CAPN13: variants seen among roughly 807,000 people sequenced by gnomAD.
CAPN13 encodes the protein calpain 13.
In CAPN13, 90 loss-of-function variants were observed where a neutral mutation model predicts 98.4. The ratio of observed to expected loss-of-function variants is 0.92; its 90% CI spans 0.77 to 1.09. The LOEUF is 1.09. Among genes scored for constraint, CAPN13 ranks in the 50% least tolerant of loss-of-function variants. The pLI is 0.00. For synonymous variants in CAPN13, 330 were observed against 305.5 expected (o/e 1.08, Z -0.84); for missense variants, 887 against 841.3 (o/e 1.05, Z -0.67).
intron 18 of CAPN13, 115 bp downstream of exon 18, chr2:30,736,388 G>A (rs1671365556): frequency 1.0e-6 from 1 of 1,000,130 alleles, no homozygotes; most frequent in South Asian, 1.4e-5. Context: ...TTGAGGGCAG[G>A]GGTGAGAGTT....
At chr2:30,746,612 G>T in intron 11 of CAPN13, 2 of 198,364 alleles carry the variant, frequency 1.0e-5, no homozygotes, top group South Asian at 9.6e-5. Context: ...TAGATTTGGT[G>T]ATCTGCTGGG....
intron 18 of CAPN13, 78 bp from the exon 19 acceptor site, chr2:30,734,602 G>A (rs529827519): frequency 5.8e-6 from 7 of 1,199,290 alleles, no homozygotes; most frequent in South Asian, 1.3e-5. Context: ...CTGGGAGCTT[G>A]CTTCCCTAAA....
chr2:30,798,574 A>G (rs957160092), intron 1 of CAPN13, among the ~76,000 whole-genome samples: 7 of 152,188 alleles, frequency 4.6e-5, no homozygotes, highest in Non-Finnish European at 2.9e-5. Flanking sequence ...TTTTGTTTGC[A>G]TTTTGTTTTC....
At position 30,789,340 on chromosome 2, in the gene CAPN13, A is replaced by C. The variant is rs6731697; in HGVS notation, c.-32-1983T>G. Among the ~76,000 whole-genome samples the C allele has an allele frequency of 3.9e-3, 600 of 152,318 alleles. 3 individuals are homozygous for C. The highest frequency in any genetic ancestry group is 0.013 in the African/African-American group (533 of 41,568). ...TGCCAAGCCTCCTACCTCTCAGGAA[A>C]ATATTGAATTACAATGTGTGATAAA... On this transcript the variant is annotated intron_variant, in intron 1 of 22. Coordinates refer to ENST00000295055, the MANE Select transcript of CAPN13 (RefSeq NM_144575.3).
rs1316991941 is a variant in CAPN13 at position 30,753,087 on chromosome 2, C to A, written c.1053G>T (p.Met351Ile). ...TTCCTAGAATCACTTGCTTCCTAAACATTATTTGGGACCATCCTTCGTGGA... is the reference window on the plus strand; with the variant it reads ...TTCCTAGAATCACTTGCTTCCTAAAAATTATTTGGGACCATCCTTCGTGGA... Reference protein sequence around the residue: ...NTLHEGWSQIMFRKQVILGNT... With the variant: ...NTLHEGWSQIIFRKQVILGNT... Residue 351 changes from methionine to isoleucine, a missense_variant, in exon 10 of 23, where the codon ATG (methionine) becomes ATT (isoleucine). Transcript: ENST00000295055. 6.2e-7 allele frequency: 1 copy of A among 1,613,858 alleles called. No individual in the cohort carries two copies. The highest frequency in any genetic ancestry group is 8.5e-7 in the Non-Finnish European group (1 of 1,179,860).
At chr2:30,797,469 C>T (rs922972937) in intron 1 of CAPN13, among the ~76,000 whole-genome samples, 2 of 152,196 alleles carry the variant, frequency 1.3e-5, no homozygotes, top group African/African-American at 4.8e-5. Flanking sequence ...ATCTCTGAGC[C>T]TCCTTTCCTT....
chr2:30,763,041 GAGGCC>G (rs778953262), intron 7 of CAPN13, 36 bp downstream of exon 7: 2 of 1,518,566 alleles, frequency 1.3e-6, no homozygotes, highest in Non-Finnish European at 1.8e-6. Flanking sequence ...CACTGGGGCA[GAGGCC>G]AGGGGAGAGC....
rs769835029 is a variant in CAPN13 at position 30,742,330 on chromosome 2, A to G, written c.1475T>C (p.Met492Thr). The change falls in exon 14 of 23, where the codon ATG becomes ACG. Residue 492 changes from methionine to threonine, a missense_variant. By Grantham distance (81) the Met-to-Thr change is moderately conservative (BLOSUM62 -1). Transcript: ENST00000295055. ...RHLSSHFNLR[M>T]KGSPSEHGSQ... ...CAAACCTTGCTGCATACCTACCTTC[A>G]TTCTGAGGTTGAAATGGCTGCTCAG... The G allele has an allele frequency of 1.2e-5, 20 of 1,604,098 alleles. No homozygotes were observed. The South Asian group carries it at 2.3e-4, about 18-fold the overall frequency.
chr2:30,740,762 C>A (rs561837662), intron 15 of CAPN13, among the ~76,000 whole-genome samples: 1 of 152,328 alleles, frequency 6.6e-6, no homozygotes, highest in East Asian at 1.9e-4. Context: ...TCACATATGG[C>A]AAACATTTTT....
rs1463530899 is a variant in CAPN13 at position 30,738,005 on chromosome 2, A to ACACACACC, written c.1653+229_1653+230insGGTGTGTG. 3 of 513,038 alleles carry ACACACACC rather than the reference A, an allele frequency of 5.8e-6. No individual in the cohort carries two copies. The African/African-American group carries it at 6.0e-5, about 10-fold the overall frequency. 31.8% of individuals were successfully genotyped at this position (513,038 alleles called of 1,614,324 possible). On this transcript the variant is annotated intron_variant, in intron 17 of 22. Transcript: ENST00000295055. ...CACACACACACACACACACACACACACCCCAGTACACTGATCAGCACATAG... is the reference window on the plus strand; with the variant it reads ...CACACACACACACACACACACACACACACACACCCCCCAGTACACTGATCAGCACATAG...
chr2:30,738,372 G>C (rs1224623090), intron 16 of CAPN13, 28 bp downstream of exon 16: 3 of 1,611,418 alleles, frequency 1.9e-6, no homozygotes, highest in Middle Eastern at 3.3e-4. Context: ...AGGAGGATGG[G>C]GCCAGCTTGC....
At chr2:30,731,086 G>C (rs1018932331) in intron 21 of CAPN13, among the ~76,000 whole-genome samples, 2 of 152,202 alleles carry the variant, frequency 1.3e-5, no homozygotes, top group Non-Finnish European at 2.9e-5. Flanking sequence ...CTGTCCTTCT[G>C]TTCCCTCCTG....
intron 4 of CAPN13, among the ~76,000 whole-genome samples, chr2:30,774,299 ATTAG>A (rs1187166198): frequency 6.6e-6 from 1 of 152,076 alleles, no homozygotes; most frequent in African/African-American, 2.4e-5. Context: ...GATTGAAATA[ATTAG>A]TTATATAGTA....
intron 5 of CAPN13, 122 bp downstream of exon 5, chr2:30,770,191 G>A (rs1041470277): frequency 3.0e-6 from 4 of 1,344,196 alleles, no homozygotes; most frequent in Non-Finnish European, 4.1e-6. Flanking sequence ...CGTGGTGATT[G>A]TTTATGGAGA....
intron 5 of CAPN13, among the ~76,000 whole-genome samples, chr2:30,768,673 T>C (rs914309306): frequency 5.5e-5 from 7 of 128,428 alleles, no homozygotes; most frequent in African/African-American, 1.5e-4. Context: ...TCATGAACTT[T>C]CTTTTTTCCT....
intron 1 of CAPN13, among the ~76,000 whole-genome samples, chr2:30,796,868 C>T (rs938533211): frequency 6.6e-6 from 1 of 152,110 alleles, no homozygotes; most frequent in African/African-American, 2.4e-5. Context: ...ACAGGCTAGC[C>T]CAGCTCTAGG....
At chr2:30,807,176 A>T (rs1208418592) in intron 1 of CAPN13, 126 bp downstream of exon 1, 1 of 152,194 alleles carries the variant, frequency 6.6e-6, no homozygotes. Context: ...GCTACTGAAT[A>T]TGTACCTTGG....
chr2:30,779,863 C>T (rs1673897925), intron 2 of CAPN13, among the ~76,000 whole-genome samples: 1 of 151,978 alleles, frequency 6.6e-6, no homozygotes, highest in African/African-American at 2.4e-5. Context: ...TTTGCCATTA[C>T]TTTCAATGGC....
chr2:30,798,092 A>G (rs190259963), intron 1 of CAPN13, among the ~76,000 whole-genome samples: 1 of 152,382 alleles, frequency 6.6e-6, no homozygotes. Context: ...GAAGTGTTCT[A>G]TATCTGTGCT....
Sources: gnomAD v4.1 joint callset for allele counts (sites outside exome capture counted in the v4.1 genomes callset) on GRCh38, gnomAD v4.1.1 for gene constraint, MANE v1.5 for transcripts, NCBI Gene and HGNC (gene_info 2026-07-23, HGNC 2026-07-21) for gene names.